The following ADAM11 variants were observed in gnomAD, a reference collection of about 807,000 sequenced individuals.
The protein encoded by ADAM11 is ADAM metallopeptidase domain 11.
A neutral mutation model predicts 119.1 loss-of-function variants in ADAM11; 49 were observed. The ratio of observed to expected loss-of-function variants is 0.41; its 90% CI spans 0.33 to 0.52. The LOEUF (loss-of-function observed/expected upper bound fraction) is 0.52. ADAM11 is among the 20% of genes least tolerant of loss of function. The pLI is 0.20. For missense variants in ADAM11, 777 were observed against 1,047.5 expected (o/e 0.74, Z 3.56); for synonymous variants, 364 against 408.0 (o/e 0.89, Z 1.30).
rs1023140747 is a variant in ADAM11 at position 44,759,131 on chromosome 17, C to G, written c.-69C>G. The G allele has an allele frequency of 1.1e-4, 116 of 1,058,050 alleles. 1 individual carries two copies. Among genetic ancestry groups the G allele is most frequent in the African/African-American group, 7.5e-4 (44 of 58,708 alleles). 65.5% of individuals were successfully genotyped at this position (1,058,050 alleles called of 1,614,324 possible). A position where few individuals can be genotyped will look rare whatever the true frequency, so the allele number is the denominator to read the frequency against. On this transcript the variant is annotated 5_prime_UTR_variant, in exon 1 of 27. Coordinates refer to ENST00000200557, the MANE Select transcript of ADAM11 (RefSeq NM_002390.6). ...TCCGCAGCTGGCGCCTCCCCACCCC[C>G]GTCCCTGCTCCCGCCCTCCCCGCGC...
intron 2 of ADAM11, among the ~76,000 whole-genome samples, chr17:44,763,595 C>A (rs745989413): frequency 2.6e-4 from 40 of 152,312 alleles, no homozygotes; most frequent in Non-Finnish European, 4.7e-4. Context: ...GCAAGACTAC[C>A]GTGTCCAGTT....
intron 4 of ADAM11, 38 bp from the exon 5 acceptor site, chr17:44,771,546 C>G (rs1464728937): frequency 2.5e-6 from 4 of 1,602,284 alleles, no homozygotes; most frequent in Non-Finnish European, 3.4e-6. Context: ...TGCCCCCGGC[C>G]TCATGCCAGC....
At chr17:44,770,135 G>A (rs1434491367) in intron 4 of ADAM11, 87 bp downstream of exon 4, 1 of 1,487,114 alleles carries the variant, frequency 6.7e-7, no homozygotes, top group African/African-American at 1.4e-5. Context: ...AGGGACAGGT[G>A]GCCACTGGAG....
rs1314131538 is a variant in ADAM11 at position 44,772,312 on chromosome 17, C to A, written c.589C>A (p.Pro197Thr). Reference protein sequence around the residue: ...LIYRTPLLPDPLGCREPGCLF... With the variant: ...LIYRTPLLPDTLGCREPGCLF... ...TTACCGGACCCCTCTCCTCCCAGATCCCCTCGGATGCAGGGAACCAGGTAA... is the reference window on the plus strand; with the variant it reads ...TTACCGGACCCCTCTCCTCCCAGATACCCTCGGATGCAGGGAACCAGGTAA... The change falls in exon 7 of 27, where the codon CCC (proline) becomes ACC (threonine). Residue 197 changes from proline to threonine, a missense_variant. Around this residue, in one of 4 missense-constraint regions of ADAM11, gnomAD observed 278 missense variants for 310.1 expected, o/e 0.90. Coordinates refer to ENST00000200557, the MANE Select transcript of ADAM11 (RefSeq NM_002390.6). This position sits in a 1 kb window ranked among gnomAD's most constrained non-coding sequence, Gnocchi z 4.5. The A allele has an allele frequency of 4.4e-6, 7 of 1,605,708 alleles. No homozygotes were observed. In the Admixed American group the frequency reaches 1.2e-4, roughly 27 times the overall value.
intron 12 of ADAM11, 44 bp downstream of exon 12, chr17:44,774,423 G>C: frequency 6.4e-7 from 1 of 1,564,936 alleles, no homozygotes; most frequent in South Asian, 1.2e-5. Flanking sequence ...CTGAGGGAAA[G>C]GGGCTTCAGG....
chr17:44,771,759 G>A lies in ADAM11; in HGVS notation c.471G>A (p.Gly157=). ...AGCTGCGCCTCTCTCTCCACAGTGG[G>A]GTCTTCTCTGATGGGAACTTGACTT... ...AALSTCQGLH[G]VFSDGNLTYI... The change falls in exon 6 of 27, where the codon GGG becomes GGA. Residue 157 remains glycine (G), a synonymous_variant. Coordinates refer to ENST00000200557, the MANE Select transcript of ADAM11 (RefSeq NM_002390.6). 1 of 1,613,802 alleles carries A rather than the reference G, an allele frequency of 6.2e-7. No homozygotes were observed. The highest frequency in any genetic ancestry group is 1.1e-5 in the South Asian group (1 of 91,044).
chr17:44,764,182 G>C lies in ADAM11; in HGVS notation c.237+4285G>C, dbSNP rs2049421202. 2.0e-5 allele frequency among the ~76,000 whole-genome samples: 3 copies of C among 152,194 alleles called. No homozygotes were observed. The South Asian group carries it at 6.2e-4, about 31-fold the overall frequency. On this transcript the variant is annotated intron_variant, in intron 2 of 26. Coordinates refer to ENST00000200557, the MANE Select transcript of ADAM11 (RefSeq NM_002390.6). ...GGTACATAGAAGCTCATCTGAGCCA[G>C]CTAGGGGAGGGGTGCCTCAGTCTCT...
Position 44,775,236 on chromosome 17 carries a change from G to T in ADAM11, c.1245G>T (p.Ser415=), listed in dbSNP as rs1558083. Reference sequence around the variant, plus strand: ...GGTTCTACCTGCCCCGCAAGTTCTCGCGCTGTAGCATCGACGAGTACAACC... The same window carrying T: ...GGTTCTACCTGCCCCGCAAGTTCTCTCGCTGTAGCATCGACGAGTACAACC... ...DTGFYLPRKF[S]RCSIDEYNQF... Residue 415 remains serine, a synonymous_variant, in exon 15 of 27, where the codon TCG becomes TCT. Coordinates refer to ENST00000200557, the MANE Select transcript of ADAM11 (RefSeq NM_002390.6). This position sits in a 1 kb window ranked among gnomAD's most constrained non-coding sequence, Gnocchi z 7.5. 0.62 allele frequency: 1,001,992 copies of T among 1,613,098 alleles called. 313,596 individuals are homozygous for T. Among genetic ancestry groups the T allele is most frequent in the East Asian group, 0.8 (35,685 of 44,832 alleles).
chr17:44,778,771 A>C (rs2049645912), intron 25 of ADAM11, among the ~76,000 whole-genome samples: 1 of 151,680 alleles, frequency 6.6e-6, no homozygotes, highest in South Asian at 2.1e-4. Flanking sequence ...TTACACTAGC[A>C]ATTCGGATTT....
chr17:44,773,455 C>T lies in ADAM11; in HGVS notation c.992+28C>T. On this transcript the variant is annotated intron_variant, in intron 11 of 26. Transcript: ENST00000200557. The surrounding 1 kb of genome is among the most constrained non-coding windows in gnomAD (Gnocchi z 4.6). ...GAGTCCCCCACCCTGCACCTCCTGCCAGCCTCTGCTAGTTGCTACAGTGCT... is the reference window on the plus strand; with the variant it reads ...GAGTCCCCCACCCTGCACCTCCTGCTAGCCTCTGCTAGTTGCTACAGTGCT... 1.2e-6 allele frequency: 2 copies of T among 1,605,690 alleles called. No homozygotes were observed. The highest frequency in any genetic ancestry group is 2.2e-5 in the East Asian group (1 of 44,702).
chr17:44,779,970 C>T lies in ADAM11; in HGVS notation c.*216C>T, dbSNP rs769453020. ...TGGAGGGCACTTCCTCCACAGTCCC[C>T]CACCCACCTCCTGCGGCTCAGCCTT... On this transcript the variant is annotated 3_prime_UTR_variant, in exon 27 of 27. Transcript: ENST00000200557. The T allele has an allele frequency of 6.9e-6, 5 of 727,160 alleles. No homozygotes were observed. The South Asian group carries it at 7.4e-5, about 11-fold the overall frequency. 45.0% of individuals were successfully genotyped at this position (727,160 alleles called of 1,614,324 possible).
chr17:44,771,713 C>A (rs749316218), intron 5 of ADAM11, 43 bp from the exon 6 acceptor site: 14 of 1,612,380 alleles, frequency 8.7e-6, no homozygotes, highest in Non-Finnish European at 1.2e-5. Flanking sequence ...AGCCTCTGGC[C>A]CAGGCCTGGG....
At position 44,769,705 on chromosome 17, in the gene ADAM11, T is replaced by G; in HGVS notation, c.238-13T>G. 8.4e-7 allele frequency: 1 copy of G among 1,191,248 alleles called. No homozygotes were observed. The highest frequency in any genetic ancestry group is 1.3e-6 in the Non-Finnish European group (1 of 795,950). The allele number at this position is 1,191,248 out of a possible 1,614,324, so 73.8% of individuals were successfully genotyped here. A position where few individuals can be genotyped will look rare whatever the true frequency, so the allele number is the denominator to read the frequency against. ...CCCTGGGTTGACTCCCCCTCTGCCC[T>G]CCCCCCACCCAGCCTGTCCATCTGG... On this transcript the variant is annotated splice_polypyrimidine_tract_variant and intron_variant, in intron 2 of 26. Coordinates refer to ENST00000200557, the MANE Select transcript of ADAM11 (RefSeq NM_002390.6).
At position 44,772,746 on chromosome 17, in the gene ADAM11, T is replaced by C; in HGVS notation, c.679-111T>C. On this transcript the variant is annotated intron_variant, in intron 8 of 26. Transcript: ENST00000200557. The surrounding 1 kb of genome is among the most constrained non-coding windows in gnomAD (Gnocchi z 4.5). ...CTCTGCCAGTGGGGAGCTGGCACTGTCCCTGGCTGGAGTCCAGACCCCCCC... is the reference window on the plus strand; with the variant it reads ...CTCTGCCAGTGGGGAGCTGGCACTGCCCCTGGCTGGAGTCCAGACCCCCCC... 1 of 1,028,840 alleles carries C rather than the reference T, an allele frequency of 9.7e-7. No individual in the cohort carries two copies. Among genetic ancestry groups the C allele is most frequent in the South Asian group, 1.5e-5 (1 of 67,360 alleles). The allele number at this position is 1,028,840 out of a possible 1,614,324, so 63.7% of individuals were successfully genotyped here.
rs768859490 is a variant in ADAM11, at chr17:44,777,135, C to T, written c.1682-31C>T. 11 of 1,576,390 alleles carry T rather than the reference C, an allele frequency of 7.0e-6. No individual in the cohort carries two copies. In the African/African-American group the frequency reaches 9.4e-5, roughly 13 times the overall value. ...AGGTCTTGGGGTGGGTCCTGGGGCG[C>T]GTGGGGTCACTTGGCATCCTCTCCC... On this transcript the variant is annotated intron_variant, in intron 20 of 26. Coordinates refer to ENST00000200557, the MANE Select transcript of ADAM11 (RefSeq NM_002390.6). The surrounding 1 kb of genome is among the most constrained non-coding windows in gnomAD (Gnocchi z 5.1).
Position 44,775,760 on chromosome 17 carries a change from G to A in ADAM11, c.1485+84G>A. 7.2e-7 allele frequency: 1 copy of A among 1,391,168 alleles called. No individual in the cohort carries two copies. Among genetic ancestry groups the A allele is most frequent in the South Asian group, 1.3e-5 (1 of 76,634 alleles). The allele number at this position is 1,391,168 out of a possible 1,614,324, so 86.2% of individuals were successfully genotyped here. A position where few individuals can be genotyped will look rare whatever the true frequency, so the allele number is the denominator to read the frequency against. On this transcript the variant is annotated intron_variant, in intron 17 of 26. Transcript: ENST00000200557. This position sits in a 1 kb window ranked among gnomAD's most constrained non-coding sequence, Gnocchi z 7.5. ...CATATAAGGGGTGGGAGCTAGGGAG[G>A]GAAGCGGAGCCTTCGGGGACGAAGG... is the stretch of plus-strand genomic sequence containing the variant.
intron 14 of ADAM11, among the ~76,000 whole-genome samples, chr17:44,774,959 C>T (rs574157856): frequency 4.0e-4 from 61 of 152,342 alleles, no homozygotes; most frequent in African/African-American, 1.5e-3. Context: ...CAGTGCGCAT[C>T]GTGGCCACTG....
At chr17:44,762,599 C>G (rs1004165446) in intron 2 of ADAM11, among the ~76,000 whole-genome samples, 4 of 152,102 alleles carry the variant, frequency 2.6e-5, no homozygotes, top group African/African-American at 7.2e-5. Flanking sequence ...GGTCATGTGT[C>G]GAGTCCAGGG....
At chr17:44,774,443 T>C in intron 12 of ADAM11, 49 bp from the exon 13 acceptor site, 1 of 1,598,076 alleles carries the variant, frequency 6.3e-7, no homozygotes, top group East Asian at 2.3e-5. Flanking sequence ...GGGCACGACG[T>C]GCCTGTTGGA....
Sources: allele counts gnomAD v4.1 joint callset (sites outside exome capture counted in the v4.1 genomes callset), GRCh38; gene constraint gnomAD v4.1.1; regional missense constraint gnomAD v4.1.1; non-coding constraint Gnocchi (gnomAD v3.1); transcripts MANE v1.5; gene names NCBI Gene and HGNC (gene_info 2026-07-23, HGNC 2026-07-21).